PALM2AKAP2: variants seen among roughly 807,000 people sequenced by gnomAD.
PALM2AKAP2 encodes the protein PALM2 and AKAP2 fusion, also known as PALM2-AKAP2 fusion protein.
Under a neutral mutation model 71.5 loss-of-function variants are expected in PALM2AKAP2, and 37 were observed. The ratio of observed to expected loss-of-function variants is 0.52; its 90% confidence interval spans 0.40 to 0.68. The LOEUF is 0.68. Ranked by LOEUF, PALM2AKAP2 falls within the 30% of genes least tolerant of loss-of-function variation. The pLI, the probability that PALM2AKAP2 is intolerant of heterozygous loss-of-function variation, is 0.00. For synonymous variants in PALM2AKAP2, 468 were observed against 478.8 expected, an observed-to-expected ratio of 0.98 and a Z score of 0.29; for missense variants, 1,224 against 1,191.8, an observed-to-expected ratio of 1.03 and a Z score of -0.40.
chr9:109,702,921 C>T (rs535049555), intron 1 of PALM2AKAP2, among the ~76,000 whole-genome samples: 5 of 151,694 alleles, frequency 3.3e-5, no homozygotes, highest in African/African-American at 7.2e-5. Context: ...CAGGTTCAAG[C>T]GATTTTCCTG....
At chr9:109,649,246 C>T (rs1827193174) in intron 1 of PALM2AKAP2, among the ~76,000 whole-genome samples, 2 of 151,672 alleles carry the variant, frequency 1.3e-5, no homozygotes, top group Non-Finnish European at 2.9e-5. Context: ...CTGTGGCTTT[C>T]AATTGAAGAA....
chr9:109,686,645 T>C (rs1452674605), intron 1 of PALM2AKAP2, among the ~76,000 whole-genome samples: 1 of 152,164 alleles, frequency 6.6e-6, no homozygotes, highest in African/African-American at 2.4e-5. Context: ...TTTATTTTTT[T>C]ACTTTTATTT....
chr9:109,895,732 A>G lies in PALM2AKAP2; in HGVS notation c.257+15051A>G, dbSNP rs193093145. On this transcript the variant is annotated intron_variant, in intron 3 of 9. Transcript: ENST00000302798. ...ATTTAAGTCTGTTCTCACAGTGCTA[A>G]TAAAGACATACCTGAGACTGGGTAA... is the stretch of plus-strand genomic sequence containing the variant. 1.5e-3 allele frequency among the ~76,000 whole-genome samples: 224 copies of G among 152,344 alleles called. 2 individuals are homozygous for G. The South Asian group carries it at 0.023, about 16-fold the overall frequency.
intron 7 of PALM2AKAP2, 136 bp downstream of exon 7, chr9:110,016,175 A>G: frequency 1.2e-6 from 1 of 836,288 alleles, no homozygotes. Context: ...CTGAGGTCTT[A>G]GGGAGGCAAC....
chr9:109,902,611 A>C (rs1830354968), intron 3 of PALM2AKAP2, among the ~76,000 whole-genome samples: 1 of 152,216 alleles, frequency 6.6e-6, no homozygotes, highest in Non-Finnish European at 1.5e-5. Context: ...CTTCTGTTGA[A>C]TTCAATGCGT....
intron 1 of PALM2AKAP2, among the ~76,000 whole-genome samples, chr9:110,076,976 G>A (rs1020032956): frequency 6.6e-6 from 1 of 152,196 alleles, no homozygotes; most frequent in Non-Finnish European, 1.5e-5. Flanking sequence ...TACCACCCCT[G>A]TGGTAGGCCC....
chr9:110,088,703 G>GTTTTTTTGTTTTT (rs1834629219), intron 1 of PALM2AKAP2, among the ~76,000 whole-genome samples: 2 of 75,574 alleles, frequency 2.6e-5, no homozygotes. Context: ...GCATTTACGT[G>GTTTTTTTGTTTTT]TTTTTTTTTT....
chr9:109,701,845 T>G (rs1465097561), intron 1 of PALM2AKAP2, among the ~76,000 whole-genome samples: 1 of 152,120 alleles, frequency 6.6e-6, no homozygotes, highest in Admixed American at 6.5e-5. Flanking sequence ...AATCTACTCA[T>G]CTGACAAAGG....
intron 1 of PALM2AKAP2, among the ~76,000 whole-genome samples, chr9:109,708,858 A>G (rs1347584570): frequency 1.3e-5 from 2 of 152,154 alleles, no homozygotes; most frequent in East Asian, 3.9e-4. Flanking sequence ...TGCCTCTCTC[A>G]TTGCCAGCAT....
At chr9:109,640,971 G>GT (rs1348352536) in intron 1 of PALM2AKAP2, 1 of 1,395,830 alleles carries the variant, frequency 7.2e-7, no homozygotes, top group Non-Finnish European at 9.3e-7. Flanking sequence ...CAGGATGGGT[G>GT]TTTAATTTCA....
intron 1 of PALM2AKAP2, among the ~76,000 whole-genome samples, chr9:110,100,139 A>T (rs1482372200): frequency 1.4e-5 from 2 of 147,982 alleles, no homozygotes; most frequent in Non-Finnish European, 3.0e-5. Flanking sequence ...TCAGCAAACA[A>T]CCTCAAGCCT....
chr9:109,922,991 G>A (rs545861753), intron 3 of PALM2AKAP2, among the ~76,000 whole-genome samples: 13 of 152,368 alleles, frequency 8.5e-5, no homozygotes, highest in African/African-American at 2.9e-4. Context: ...TCCTGGCACA[G>A]AATAAGTGCT....
chr9:109,979,301 C>T (rs1832226100), intron 6 of PALM2AKAP2, among the ~76,000 whole-genome samples: 1 of 152,146 alleles, frequency 6.6e-6, no homozygotes, highest in African/African-American at 2.4e-5. Context: ...TCTCAGGTCT[C>T]CTCTTTCTAA....
intron 1 of PALM2AKAP2, among the ~76,000 whole-genome samples, chr9:109,798,472 G>T (rs1026888684): frequency 3.3e-5 from 5 of 152,114 alleles, no homozygotes; most frequent in Middle Eastern, 3.2e-3. Context: ...TCAAACCTCT[G>T]CCTTGTCTAC....
chr9:110,147,248 CA>C (rs59763270), intron 2 of PALM2AKAP2, among the ~76,000 whole-genome samples: 11,138 of 107,964 alleles, frequency 0.1, 506 homozygotes, highest in East Asian at 0.27. Context: ...GACTCTGTCT[CA>C]AAAAAAAAAA....
chr9:110,079,840 C>A (rs1426957294), intron 1 of PALM2AKAP2, among the ~76,000 whole-genome samples: 1 of 151,808 alleles, frequency 6.6e-6, no homozygotes, highest in Non-Finnish European at 1.5e-5. Flanking sequence ...GAGGCCAAGG[C>A]GTGCAGAAAA....
chr9:109,917,909 A>G (rs924887896), intron 3 of PALM2AKAP2, among the ~76,000 whole-genome samples: 2 of 152,086 alleles, frequency 1.3e-5, no homozygotes, highest in African/African-American at 4.8e-5. Flanking sequence ...TAGGATACAT[A>G]ATTTTTTTCA....
chr9:109,742,592 C>T (rs1050383472), intron 1 of PALM2AKAP2, among the ~76,000 whole-genome samples: 2 of 152,310 alleles, frequency 1.3e-5, no homozygotes, highest in Admixed American at 6.5e-5. Flanking sequence ...GGCTCCCACA[C>T]ATACTATGAC....
At chr9:109,851,092 G>T (rs1380299419) in intron 1 of PALM2AKAP2, among the ~76,000 whole-genome samples, 3 of 151,962 alleles carry the variant, frequency 2.0e-5, no homozygotes, top group Non-Finnish European at 2.9e-5. Context: ...CAGGAGAATG[G>T]CATGAACCCG....
Sources: allele counts gnomAD v4.1 joint callset (sites outside exome capture counted in the v4.1 genomes callset), GRCh38; gene constraint gnomAD v4.1.1; transcripts MANE v1.5; gene names NCBI Gene and HGNC (gene_info 2026-07-23, HGNC 2026-07-21).